CNTN5: variants seen among roughly 807,000 people sequenced by gnomAD.
The protein encoded by CNTN5 is contactin-5.
In CNTN5, 77 loss-of-function variants were observed where a neutral mutation model predicts 129.1. The observed-to-expected ratio is 0.60, with a 90% CI of 0.50 to 0.72. The LOEUF (loss-of-function observed/expected upper bound fraction) is 0.72. Ranked by LOEUF, CNTN5 falls within the 30% of genes least tolerant of loss-of-function variation. CNTN5 has a pLI of 0.00. For synonymous variants in CNTN5, 509 were observed against 465.6 expected (o/e 1.09, Z -1.20); for missense variants, 1,478 against 1,328.8 (o/e 1.11, Z -1.75).
At chr11:99,692,557 GCCCTCAATCTCTT>G (rs1230518111) in intron 3 of CNTN5, among the ~76,000 whole-genome samples, 1 of 151,804 alleles carries the variant, frequency 6.6e-6, no homozygotes, top group East Asian at 1.9e-4. Flanking sequence ...TTGAATATTT[GCCCTCAATCTCTT>G]CTGGTTTGTA....
chr11:99,412,098 G>A (rs1181256589), intron 2 of CNTN5, among the ~76,000 whole-genome samples: 1 of 152,046 alleles, frequency 6.6e-6, no homozygotes, highest in African/African-American at 2.4e-5. Flanking sequence ...ATTGTATTAA[G>A]ATGTATCATA....
intron 13 of CNTN5, among the ~76,000 whole-genome samples, chr11:100,076,835 C>A (rs765497415): frequency 2.6e-5 from 4 of 152,040 alleles, no homozygotes; most frequent in African/African-American, 4.8e-5. Context: ...GGCACACTTA[C>A]AAAATACCAT....
At chr11:99,770,307 A>T (rs1462914647) in intron 3 of CNTN5, among the ~76,000 whole-genome samples, 2 of 152,132 alleles carry the variant, frequency 1.3e-5, no homozygotes, top group Non-Finnish European at 2.9e-5. Flanking sequence ...CATTCAAAGA[A>T]GTCTCATTCT....
intron 24 of CNTN5, among the ~76,000 whole-genome samples, chr11:100,351,990 G>T (rs2139041520): frequency 6.6e-6 from 1 of 151,630 alleles, no homozygotes; most frequent in East Asian, 1.9e-4. Flanking sequence ...TTGAGGAAAA[G>T]CTACTGACAT....
rs183081345 is a variant in CNTN5, at chr11:99,805,150, C to A, written c.56-14394C>A. 1.9e-4 allele frequency among the ~76,000 whole-genome samples: 29 copies of A among 152,160 alleles called. No homozygotes were observed. The East Asian group carries it at 4.1e-3, about 21-fold the overall frequency. Reference sequence around the variant, plus strand: ...GAATAAGTGCAGTATTTTGGTCAGGCCTGTAACATGATCAGAAACATTACT... The same window carrying A: ...GAATAAGTGCAGTATTTTGGTCAGGACTGTAACATGATCAGAAACATTACT... On this transcript the variant is annotated intron_variant, in intron 3 of 24. Transcript: ENST00000524871.
At chr11:100,045,720 TAA>T (rs34822140) in intron 9 of CNTN5, among the ~76,000 whole-genome samples, 1,466 of 140,694 alleles carry the variant, frequency 0.01, 20 homozygotes, top group African/African-American at 0.032. Flanking sequence ...CATTTATTAT[TAA>T]AAAAAAAAAA....
intron 3 of CNTN5, among the ~76,000 whole-genome samples, chr11:99,772,941 A>G (rs11221317): frequency 6.6e-6 from 1 of 151,766 alleles, no homozygotes; most frequent in Non-Finnish European, 1.5e-5. Context: ...AGAATTTTAG[A>G]TTTTTTTTCA....
chr11:99,786,664 C>T (rs1041278506), intron 3 of CNTN5, among the ~76,000 whole-genome samples: 6 of 152,088 alleles, frequency 3.9e-5, no homozygotes, highest in African/African-American at 1.4e-4. Context: ...GACATATAGA[C>T]CAATGGAACA....
In CNTN5 at chr11:100,156,794, T is replaced by TATAG. The variant is rs1259093311; in HGVS notation, c.1581-34329_1581-34326dup. 3.9e-5 allele frequency among the ~76,000 whole-genome samples: 6 copies of TATAG among 152,216 alleles called. No individual in the cohort carries two copies. The South Asian group carries it at 1.2e-3, about 32-fold the overall frequency. ...TCTAGCTTATTTGCCTAGAGGTATT[T>TATAG]ATAGATTCTCTGATGGTAGTTTGTG... On this transcript the variant is annotated intron_variant, in intron 13 of 24. Coordinates refer to ENST00000524871, the MANE Select transcript of CNTN5 (RefSeq NM_014361.4).
chr11:100,056,023 T>G (rs12803693), intron 9 of CNTN5, among the ~76,000 whole-genome samples: 10,997 of 151,660 alleles, frequency 0.073, 494 homozygotes, highest in East Asian at 0.19. Flanking sequence ...AATCTATCTA[T>G]CACTTTTGGA....
chr11:100,019,006 A>G (rs1439186491), intron 9 of CNTN5, among the ~76,000 whole-genome samples: 1 of 151,872 alleles, frequency 6.6e-6, no homozygotes, highest in East Asian at 1.9e-4. Context: ...TATTTTTATT[A>G]TTAAATTTTG....
intron 16 of CNTN5, among the ~76,000 whole-genome samples, chr11:100,237,608 A>T (rs952926406): frequency 1.3e-5 from 2 of 152,220 alleles, no homozygotes; most frequent in African/African-American, 2.4e-5. Flanking sequence ...AAAGACGATT[A>T]GCTCTCTAAT....
intron 2 of CNTN5, among the ~76,000 whole-genome samples, chr11:99,375,074 G>T (rs1940083480): frequency 6.6e-6 from 1 of 152,086 alleles, no homozygotes; most frequent in African/African-American, 2.4e-5. Context: ...ATGCCAAGGC[G>T]GGTGGATCAC....
At chr11:99,829,778 G>C (rs1167983251) in intron 4 of CNTN5, among the ~76,000 whole-genome samples, 1 of 152,124 alleles carries the variant, frequency 6.6e-6, no homozygotes, top group East Asian at 1.9e-4. Context: ...TTAAAAAATT[G>C]ACCAAGGTTT....
chr11:100,351,083 T>G (rs1262976882), intron 24 of CNTN5, among the ~76,000 whole-genome samples: 1 of 151,646 alleles, frequency 6.6e-6, no homozygotes, highest in Non-Finnish European at 1.5e-5. Flanking sequence ...GTTGACATTT[T>G]CATTAGAATA....
At chr11:99,783,301 A>G (rs1483023266) in intron 3 of CNTN5, among the ~76,000 whole-genome samples, 7 of 81,770 alleles carry the variant, frequency 8.6e-5, no homozygotes, top group Admixed American at 4.6e-4. Context: ...AATGGCAATC[A>G]TTAAAAAGTC....
chr11:100,070,753 T>C (rs913297597), intron 11 of CNTN5, among the ~76,000 whole-genome samples, 193 bp downstream of exon 11: 1 of 152,180 alleles, frequency 6.6e-6, no homozygotes, highest in Admixed American at 6.5e-5. Context: ...ATAGTAGTCA[T>C]ATATTTTAAT....
In CNTN5 at chr11:99,687,884, C is replaced by T. The variant is rs78389272; in HGVS notation, c.55+131615C>T. Among the ~76,000 whole-genome samples the T allele has an allele frequency of 9.0e-3, 1,369 of 152,114 alleles. 6 individuals carry two copies. The highest frequency in any genetic ancestry group is 0.011 in the Non-Finnish European group (760 of 67,970). Reference sequence around the variant, plus strand: ...ACATGATAGGAATCAAATTATATTCCCAGTCTTTTTTTGCATCAATTCTCA... The same window carrying T: ...ACATGATAGGAATCAAATTATATTCTCAGTCTTTTTTTGCATCAATTCTCA... On this transcript the variant is annotated intron_variant, in intron 3 of 24. Transcript: ENST00000524871.
In CNTN5 at chr11:99,224,218, CA is replaced by C. The variant is rs542629552; in HGVS notation, c.-209-101122del. Among the ~76,000 whole-genome samples the C allele has an allele frequency of 1.3e-3, 197 of 152,112 alleles. 1 individual carries two copies. The highest frequency in any genetic ancestry group is 4.6e-3 in the African/African-American group (191 of 41,472). On this transcript the variant is annotated intron_variant, in intron 1 of 24. Transcript: ENST00000524871. The stretch of plus-strand genomic sequence containing the variant: ...CTTCTGAAACACTCTTTCTAGAAGT[CA>C]AAAAACAGAACTATATTTCTATTTT...
Sources: gnomAD v4.1 joint callset for allele counts (sites outside exome capture counted in the v4.1 genomes callset) on GRCh38, gnomAD v4.1.1 for gene constraint, MANE v1.5 for transcripts, NCBI Gene and HGNC (gene_info 2026-07-23, HGNC 2026-07-21) for gene names.